Variants in COL5A1 observed in about 807,000 individuals in gnomAD.
COL5A1 encodes the protein collagen alpha-1(V) chain.
A neutral mutation model predicts 263.7 loss-of-function variants in COL5A1; 16 were observed. The ratio of observed to expected loss-of-function variants is 0.06; its 90% CI spans 0.04 to 0.09. The LOEUF (loss-of-function observed/expected upper bound fraction) is 0.09, where lower values mean the gene tolerates loss of function less well. Ranked by LOEUF, COL5A1 falls within the 10% of genes least tolerant of loss-of-function variation. The pLI is 1.00. For synonymous variants in COL5A1, 1,012 were observed against 1,004.5 expected, an observed-to-expected ratio of 1.01 and a Z score of -0.14; for missense variants, 2,036 against 2,540.5, an observed-to-expected ratio of 0.80 and a Z score of 4.27.
intron 9 of COL5A1, among the ~76,000 whole-genome samples, chr9:134,735,478 C>T (rs1198000353): frequency 1.3e-5 from 2 of 150,744 alleles, no homozygotes; most frequent in Non-Finnish European, 3.0e-5. Context: ...GTTGGGTGGG[C>T]CGGGGCGGGA....
chr9:134,733,117 C>T (rs1431347813), intron 9 of COL5A1, among the ~76,000 whole-genome samples: 2 of 152,212 alleles, frequency 1.3e-5, no homozygotes, highest in Non-Finnish European at 2.9e-5. Context: ...GTTCTGCCGC[C>T]AGGACTCAGT....
intron 4 of COL5A1, among the ~76,000 whole-genome samples, chr9:134,720,772 G>A (rs550663658): frequency 6.6e-6 from 1 of 152,276 alleles, no homozygotes; most frequent in South Asian, 2.1e-4. Flanking sequence ...AGGTGGCTGG[G>A]CTGGACGTCT....
chr9:134,702,955 T>C (rs1833722787), intron 4 of COL5A1, among the ~76,000 whole-genome samples: 1 of 152,216 alleles, frequency 6.6e-6, no homozygotes, highest in Non-Finnish European at 1.5e-5. Flanking sequence ...CGGCTTAATG[T>C]CAAATTCAGT....
At chr9:134,728,941 T>A in intron 6 of COL5A1, 134 bp downstream of exon 6, 1 of 1,151,552 alleles carries the variant, frequency 8.7e-7, no homozygotes, top group Non-Finnish European at 1.3e-6. Flanking sequence ...GGCAGCTCAG[T>A]GAGGGAGCCG....
intron 4 of COL5A1, among the ~76,000 whole-genome samples, chr9:134,703,555 A>G (rs112211593): frequency 0.015 from 2,070 of 138,042 alleles, 45 homozygotes; most frequent in African/African-American, 0.054. Context: ...TGCCAGAGTC[A>G]CCCCCACCGC....
chr9:134,744,817 ACT>A (rs1564426382), intron 11 of COL5A1, among the ~76,000 whole-genome samples: 2 of 151,632 alleles, frequency 1.3e-5, no homozygotes, highest in Admixed American at 6.6e-5. Flanking sequence ...ACATTCGCAC[ACT>A]CATGCATGCA....
chr9:134,782,832 A>T, intron 29 of COL5A1, 112 bp downstream of exon 29: 1 of 1,076,586 alleles, frequency 9.3e-7, no homozygotes, highest in Non-Finnish European at 1.4e-6. Context: ...ATGGAGGTAA[A>T]CTCTTGGTAG....
chr9:134,687,859 G>A (rs1486752655), intron 1 of COL5A1, among the ~76,000 whole-genome samples: 5 of 152,186 alleles, frequency 3.3e-5, no homozygotes, highest in African/African-American at 1.2e-4. Flanking sequence ...GGCCACTGTT[G>A]ATTCTGCAGC....
At chr9:134,683,383 G>C (rs1832918378) in intron 1 of COL5A1, among the ~76,000 whole-genome samples, 1 of 152,208 alleles carries the variant, frequency 6.6e-6, no homozygotes, top group Non-Finnish European at 1.5e-5. Flanking sequence ...CCAGGCCAGG[G>C]AGCGGGGAAC....
At position 134,809,338 on chromosome 9, in the gene COL5A1, G is replaced by C. The variant is rs79433650; in HGVS notation, c.3474+48G>C. On this transcript the variant is annotated intron_variant, in intron 43 of 65. Transcript: ENST00000371817. ...CATGGCTGGGCCTGGCTGGGCAGACGGGTGTGGGGGAGGGTGGTGAATTTA... is the reference window on the plus strand; with the variant it reads ...CATGGCTGGGCCTGGCTGGGCAGACCGGTGTGGGGGAGGGTGGTGAATTTA... 16 of 1,411,430 alleles carry C rather than the reference G, an allele frequency of 1.1e-5. No individual in the cohort carries two copies. The Admixed American group carries it at 1.6e-4, about 15-fold the overall frequency. The allele number at this position is 1,411,430 out of a possible 1,614,324, so 87.4% of individuals were successfully genotyped here. A position where few individuals can be genotyped will look rare whatever the true frequency, so the allele number is the denominator to read the frequency against.
chr9:134,728,313 G>T (rs1327967022), intron 5 of COL5A1, among the ~76,000 whole-genome samples: 3 of 152,236 alleles, frequency 2.0e-5, no homozygotes, highest in African/African-American at 7.2e-5. Context: ...GGGGCTGAAG[G>T]CCCGGGAGCC....
chr9:134,719,798 G>T (rs1263118470), intron 4 of COL5A1, among the ~76,000 whole-genome samples: 1 of 152,210 alleles, frequency 6.6e-6, no homozygotes, highest in African/African-American at 2.4e-5. Flanking sequence ...GTGGAGAAGG[G>T]GCGTGTCTGA....
At position 134,755,530 on chromosome 9, in the gene COL5A1, G is replaced by A. The variant is rs1835935201; in HGVS notation, c.1827+1204G>A. ...GGAGCTGAGGGGTCGATTCCAAAGT[G>A]GTCTGAGCAGCCTCTTCCATTCTTT... On this transcript the variant is annotated intron_variant, in intron 16 of 65. Transcript: ENST00000371817. This position sits in a 1 kb window ranked among gnomAD's most constrained non-coding sequence, Gnocchi z 4.1. Among the ~76,000 whole-genome samples, 1 of 152,224 alleles carries A rather than the reference G, an allele frequency of 6.6e-6. No homozygotes were observed. Among genetic ancestry groups the A allele is most frequent in the South Asian group, 2.1e-4 (1 of 4,834 alleles).
chr9:134,811,431 G>C (rs747092039), intron 45 of COL5A1, 39 bp downstream of exon 45: 4 of 1,612,584 alleles, frequency 2.5e-6, no homozygotes, highest in African/African-American at 2.7e-5. Flanking sequence ...AAAGCCCCAC[G>C]CCCCCCCAGA....
intron 64 of COL5A1, among the ~76,000 whole-genome samples, chr9:134,834,016 C>A (rs28478135): frequency 0.081 from 12,247 of 152,112 alleles, 1,368 homozygotes; most frequent in African/African-American, 0.25. Context: ...GTGGGGGCAC[C>A]TCCTGCCAGG....
In COL5A1 at chr9:134,760,609, G is replaced by GCA. The variant is rs538029707; in HGVS notation, c.1936-1304_1936-1303dup. Among the ~76,000 whole-genome samples the GCA allele has an allele frequency of 9.9e-4, 43 of 43,480 alleles. 1 individual carries two copies. The highest frequency in any genetic ancestry group is 4.4e-3 in the African/African-American group (37 of 8,422). The allele number at this position is 43,480 out of a possible 152,430, so 28.5% of individuals were successfully genotyped here. A position where few individuals can be genotyped will look rare whatever the true frequency, so the allele number is the denominator to read the frequency against. Reference sequence around the variant, plus strand: ...AGACACATGCACACACACCACACATGCACACACACACACCCACACACCCCC... The same window carrying GCA: ...AGACACATGCACACACACCACACATGCACACACACACACACCCACACACCCCC... On this transcript the variant is annotated intron_variant, in intron 18 of 65. Coordinates refer to ENST00000371817, the MANE Select transcript of COL5A1 (RefSeq NM_000093.5).
chr9:134,781,229 C>T (rs1299609880), intron 28 of COL5A1, among the ~76,000 whole-genome samples: 1 of 152,240 alleles, frequency 6.6e-6, no homozygotes, highest in South Asian at 2.1e-4. Context: ...CGTGCTGGTC[C>T]CTGGTTTCTG....
At chr9:134,824,922 T>C in intron 62 of COL5A1, 67 bp downstream of exon 62, 1 of 1,541,838 alleles carries the variant, frequency 6.5e-7, no homozygotes, top group East Asian at 2.4e-5. Context: ...ACATGGAGTG[T>C]GGCAAGGACA....
intron 1 of COL5A1, among the ~76,000 whole-genome samples, chr9:134,666,044 G>A (rs58681734): frequency 0.23 from 35,587 of 151,980 alleles, 5,250 homozygotes; most frequent in African/African-American, 0.42. Flanking sequence ...CCGAGATCGC[G>A]CCACTGCACT....
Sources: gnomAD v4.1 joint callset for allele counts (sites outside exome capture counted in the v4.1 genomes callset) on GRCh38, gnomAD v4.1.1 for gene constraint, Gnocchi (gnomAD v3.1) non-coding constraint, MANE v1.5 for transcripts, NCBI Gene and HGNC (gene_info 2026-07-23, HGNC 2026-07-21) for gene names.